Variants in THSD4 observed in about 807,000 individuals in gnomAD.
The protein encoded by THSD4 is thrombospondin type-1 domain-containing protein 4.
THSD4 carries 69 observed loss-of-function variants against 119.0 expected under a neutral mutation model. That is an observed-to-expected ratio of 0.58 (90% confidence interval 0.48 to 0.71). THSD4 has a LOEUF of 0.71. Ranked by LOEUF, THSD4 falls within the 30% of genes least tolerant of loss-of-function variation. The pLI is 0.00. For missense variants in THSD4, 1,393 were observed against 1,391.1 expected (o/e 1.00, Z -0.02); for synonymous variants, 524 against 540.4 (o/e 0.97, Z 0.42).
Position 71,778,924 on chromosome 15 carries a change from AC to A in THSD4, c.*1551del, listed in dbSNP as rs2053958814. On this transcript the variant is annotated 3_prime_UTR_variant, in exon 18 of 18. Coordinates refer to ENST00000261862, the MANE Select transcript of THSD4 (RefSeq NM_024817.3). ...CCATTAAGAAAAAATGGCAAGCTAAACAAATGTTAAACTTACAGAAAATTTG... is the reference window on the plus strand; with the variant it reads ...CCATTAAGAAAAAATGGCAAGCTAAAAAATGTTAAACTTACAGAAAATTTG... The A allele has an allele frequency of 6.6e-6, 1 of 152,264 alleles. No individual in the cohort carries two copies. Among genetic ancestry groups the A allele is most frequent in the Admixed American group, 6.5e-5 (1 of 15,290 alleles). The allele number at this position is 152,264 out of a possible 1,614,324, so 9.4% of individuals were successfully genotyped here.
chr15:71,724,487 A>G (rs928032876), intron 8 of THSD4, among the ~76,000 whole-genome samples: 12 of 151,324 alleles, frequency 7.9e-5, no homozygotes, highest in Admixed American at 7.3e-4. Flanking sequence ...GGGTTTCACC[A>G]TGTTGGCCAG....
intron 7 of THSD4, among the ~76,000 whole-genome samples, chr15:71,433,083 A>G (rs1241076044): frequency 6.6e-6 from 1 of 151,704 alleles, no homozygotes; most frequent in Non-Finnish European, 1.5e-5. Flanking sequence ...ATAAATATAT[A>G]TTTTATAATT....
At chr15:71,280,052 C>G (rs999625609) in intron 6 of THSD4, among the ~76,000 whole-genome samples, 1 of 152,152 alleles carries the variant, frequency 6.6e-6, no homozygotes, top group Admixed American at 6.5e-5. Context: ...TGACTGGGTG[C>G]CTGCTGTATG....
chr15:71,580,776 C>A (rs2049543270), intron 7 of THSD4, among the ~76,000 whole-genome samples: 1 of 152,268 alleles, frequency 6.6e-6, no homozygotes, highest in South Asian at 2.1e-4. Flanking sequence ...TTTCACTTAG[C>A]ATAATGTACT....
At chr15:71,172,729 A>ATGTGTGTG (rs1470751754) in intron 3 of THSD4, among the ~76,000 whole-genome samples, 7 of 101,514 alleles carry the variant, frequency 6.9e-5, no homozygotes, top group African/African-American at 3.4e-4. Flanking sequence ...ATATATATAT[A>ATGTGTGTG]TATATGTGGA....
chr15:71,384,800 G>C (rs1434050108), intron 6 of THSD4, among the ~76,000 whole-genome samples: 1 of 152,138 alleles, frequency 6.6e-6, no homozygotes, highest in African/African-American at 2.4e-5. Flanking sequence ...TTGCCTTTCA[G>C]GGCCTAATAC....
chr15:71,398,233 T>C (rs2046477880), intron 6 of THSD4, among the ~76,000 whole-genome samples: 1 of 151,960 alleles, frequency 6.6e-6, no homozygotes, highest in Non-Finnish European at 1.5e-5. Flanking sequence ...TGGGGAACAG[T>C]GTACAAAACC....
intron 6 of THSD4, among the ~76,000 whole-genome samples, chr15:71,335,927 TG>T (rs1457454621): frequency 5.3e-5 from 8 of 151,932 alleles, no homozygotes; most frequent in Non-Finnish European, 1.2e-4. Flanking sequence ...GAGAAGGGCA[TG>T]GGGGTGGGTT....
chr15:71,163,510 A>C (rs1338863990), intron 3 of THSD4, among the ~76,000 whole-genome samples: 1 of 152,172 alleles, frequency 6.6e-6, no homozygotes, highest in Non-Finnish European at 1.5e-5. Flanking sequence ...TAAGCAGATA[A>C]ACATGACTAA....
chr15:71,112,573 A>G (rs974168552), upstream of THSD4, among the ~76,000 whole-genome samples: 2 of 152,216 alleles, frequency 1.3e-5, no homozygotes, highest in Non-Finnish European at 2.9e-5. Context: ...CACATCAGAT[A>G]TGCAAAGGGG....
At chr15:71,148,511 A>G (rs1203897594) in intron 2 of THSD4, among the ~76,000 whole-genome samples, 1 of 140,900 alleles carries the variant, frequency 7.1e-6, no homozygotes, top group African/African-American at 3.1e-5. Flanking sequence ...AATAAATAGA[A>G]TGCATTTTTT....
At chr15:71,638,296 TGGAGGTCATTTGG>T (rs2050790036) in intron 7 of THSD4, among the ~76,000 whole-genome samples, 4 of 152,186 alleles carry the variant, frequency 2.6e-5, no homozygotes, top group Non-Finnish European at 5.9e-5. Flanking sequence ...TCCAGAAGTC[TGGAGGTCATTTGG>T]ATATTTGTGG....
chr15:71,285,723 G>A (rs1245926914), intron 6 of THSD4, among the ~76,000 whole-genome samples: 1 of 151,936 alleles, frequency 6.6e-6, no homozygotes, highest in Non-Finnish European at 1.5e-5. Context: ...GCGTAGTGGT[G>A]TGCACCTGTA....
intron 6 of THSD4, among the ~76,000 whole-genome samples, chr15:71,329,644 C>T (rs1388462441): frequency 6.6e-6 from 1 of 152,204 alleles, no homozygotes; most frequent in East Asian, 1.9e-4. Flanking sequence ...CAGCTCTGCT[C>T]AGGTGACTTG....
At chr15:71,676,825 G>T (rs893825939) in intron 8 of THSD4, among the ~76,000 whole-genome samples, 4 of 152,106 alleles carry the variant, frequency 2.6e-5, no homozygotes, top group African/African-American at 9.7e-5. Flanking sequence ...TTATGTATAT[G>T]CCACATTTTG....
intron 6 of THSD4, among the ~76,000 whole-genome samples, chr15:71,328,906 C>T (rs746806705): frequency 6.6e-6 from 1 of 152,194 alleles, no homozygotes; most frequent in African/African-American, 2.4e-5. Context: ...CCCGTGCTTG[C>T]TGGGCCTCAG....
At position 71,243,071 on chromosome 15, in the gene THSD4, G is replaced by A. The variant is rs372578023; in HGVS notation, c.887G>A (p.Arg296Gln). Residue 296 changes from arginine to glutamine, a missense_variant, in exon 5 of 18, where the codon CGG becomes CAG. By Grantham distance (43) the Arg-to-Gln change is conservative. Transcript: ENST00000261862. ...GCAATCTCATGCATCGGGGCCTATCGGCAGTACAAGCTGTGCAACACCAAC... is the reference window on the plus strand; with the variant it reads ...GCAATCTCATGCATCGGGGCCTATCAGCAGTACAAGCTGTGCAACACCAAC... The part of the protein sequence containing the change: ...STAISCIGAY[R>Q]QYKLCNTNVC... 1.9e-4 allele frequency: 299 copies of A among 1,613,632 alleles called. No homozygotes were observed. Among genetic ancestry groups the A allele is most frequent in the Non-Finnish European group, 2.4e-4 (285 of 1,179,844 alleles).
chr15:71,169,332 A>G (rs1185196531), intron 3 of THSD4, among the ~76,000 whole-genome samples: 2 of 152,202 alleles, frequency 1.3e-5, no homozygotes, highest in African/African-American at 4.8e-5. Context: ...TGCTGGTGGG[A>G]GTTTAAATGG....
intron 7 of THSD4, among the ~76,000 whole-genome samples, chr15:71,617,483 A>C (rs1300409549): frequency 6.6e-6 from 1 of 152,090 alleles, no homozygotes. Flanking sequence ...CCCAGGACTC[A>C]ATTAACCTCA....
Sources: gnomAD v4.1 joint callset for allele counts (sites outside exome capture counted in the v4.1 genomes callset) on GRCh38, gnomAD v4.1.1 for gene constraint, MANE v1.5 for transcripts, NCBI Gene and HGNC (gene_info 2026-07-23, HGNC 2026-07-21) for gene names.